The following DLG2 variants were observed in gnomAD, a reference collection of about 807,000 sequenced individuals.
DLG2 encodes the protein discs large MAGUK scaffold protein 2.
DLG2 carries 45 observed loss-of-function variants against 132.5 expected under a neutral mutation model. The observed-to-expected ratio is 0.34, with a 90% CI of 0.27 to 0.44. DLG2 has a LOEUF of 0.44. Ranked by LOEUF, DLG2 falls within the 20% of genes least tolerant of loss-of-function variation. DLG2 has a pLI of 1.00. For synonymous variants in DLG2, 424 were observed against 419.6 expected (o/e 1.01, Z -0.13); for missense variants, 1,045 against 1,196.9 (o/e 0.87, Z 1.87).
intron 9 of DLG2, among the ~76,000 whole-genome samples, chr11:84,159,964 C>T (rs1265307716): frequency 6.6e-6 from 1 of 152,056 alleles, no homozygotes; most frequent in Non-Finnish European, 1.5e-5. Context: ...AATGATAGAA[C>T]CAATTAGTCA....
intron 3 of DLG2, among the ~76,000 whole-genome samples, chr11:85,355,993 A>G (rs2083662077): frequency 6.6e-6 from 1 of 152,218 alleles, no homozygotes; most frequent in Non-Finnish European, 1.5e-5. Flanking sequence ...AACACCCACC[A>G]AAGGGTAATA....
chr11:84,462,394 A>G (rs190667469), intron 7 of DLG2, among the ~76,000 whole-genome samples: 180 of 151,218 alleles, frequency 1.2e-3, no homozygotes, highest in African/African-American at 4.3e-3. Context: ...GCAAATAAAC[A>G]TATAAAATAA....
chr11:84,988,645 C>G (rs978345709), intron 6 of DLG2, among the ~76,000 whole-genome samples: 1 of 152,078 alleles, frequency 6.6e-6, no homozygotes, highest in East Asian at 1.9e-4. Flanking sequence ...ATCGTATGCT[C>G]GCTCATAAGT....
At chr11:84,221,044 T>A (rs570270906) in intron 8 of DLG2, among the ~76,000 whole-genome samples, 22 of 151,334 alleles carry the variant, frequency 1.5e-4, no homozygotes, top group Non-Finnish European at 2.8e-4. Context: ...GCTGAAGTGA[T>A]CCACCTGCCT....
intron 6 of DLG2, among the ~76,000 whole-genome samples, chr11:84,683,895 T>C (rs1438237469): frequency 2.6e-5 from 4 of 152,192 alleles, no homozygotes; most frequent in African/African-American, 4.8e-5. Flanking sequence ...CAGTTATAAA[T>C]GTTGACTTAT....
chr11:84,857,105 A>G (rs1489475336), intron 6 of DLG2, among the ~76,000 whole-genome samples: 1 of 151,548 alleles, frequency 6.6e-6, no homozygotes, highest in Non-Finnish European at 1.5e-5. Flanking sequence ...TAAAAATACC[A>G]ACTTTTCTGG....
At chr11:84,109,595 G>T (rs1270796789) in intron 9 of DLG2, among the ~76,000 whole-genome samples, 1 of 152,194 alleles carries the variant, frequency 6.6e-6, no homozygotes, top group East Asian at 1.9e-4. Context: ...CTTCTGTCCT[G>T]TAACAGTATG....
At chr11:84,202,096 C>T (rs1041802012) in intron 8 of DLG2, among the ~76,000 whole-genome samples, 1 of 151,914 alleles carries the variant, frequency 6.6e-6, no homozygotes, top group Non-Finnish European at 1.5e-5. Context: ...TGATTACAGG[C>T]AGGAGCCACC....
chr11:85,368,279 C>T (rs778643599), intron 3 of DLG2, among the ~76,000 whole-genome samples: 3 of 152,242 alleles, frequency 2.0e-5, no homozygotes, highest in Non-Finnish European at 1.5e-5. Flanking sequence ...AAATTGCAAA[C>T]GTGAGGTTGC....
At chr11:84,692,917 C>T (rs539044177) in intron 6 of DLG2, among the ~76,000 whole-genome samples, 76 of 151,874 alleles carry the variant, frequency 5.0e-4, no homozygotes, top group African/African-American at 1.8e-3. Context: ...ATTTTCACTA[C>T]AACGGAAAGG....
At chr11:85,180,216 A>T (rs1405549066) in intron 4 of DLG2, among the ~76,000 whole-genome samples, 1 of 151,974 alleles carries the variant, frequency 6.6e-6, no homozygotes, top group Non-Finnish European at 1.5e-5. Flanking sequence ...ACATAAGCAC[A>T]TATACATACT....
intron 10 of DLG2, among the ~76,000 whole-genome samples, chr11:84,072,692 C>T (rs2096774891): frequency 6.6e-6 from 1 of 152,176 alleles, no homozygotes; most frequent in South Asian, 2.1e-4. Flanking sequence ...TGGACTTGAA[C>T]TTAAAGGCAC....
At chr11:84,537,079 T>C (rs1225891392) in intron 6 of DLG2, among the ~76,000 whole-genome samples, 5 of 150,090 alleles carry the variant, frequency 3.3e-5, no homozygotes, top group African/African-American at 4.9e-5. Flanking sequence ...CCTACTACTA[T>C]ATATGCTGAA....
chr11:83,707,376 G>A (rs2084274601), intron 18 of DLG2, among the ~76,000 whole-genome samples: 2 of 152,292 alleles, frequency 1.3e-5, no homozygotes, highest in Admixed American at 6.5e-5. Flanking sequence ...CATATAACAA[G>A]TGCACACTGT....
At chr11:84,124,152 C>G (rs542185027) in intron 9 of DLG2, among the ~76,000 whole-genome samples, 1 of 152,176 alleles carries the variant, frequency 6.6e-6, no homozygotes, top group East Asian at 1.9e-4. Context: ...ATTCAGGTGG[C>G]GTGTTCAGGT....
chr11:85,267,636 T>A (rs554498904), intron 4 of DLG2, among the ~76,000 whole-genome samples: 2 of 152,236 alleles, frequency 1.3e-5, no homozygotes, highest in East Asian at 3.9e-4. Context: ...CCATGTGGAA[T>A]CAGTTATTTA....
chr11:83,467,810 T>TATATATACACAC (rs1414160515), intron 25 of DLG2, among the ~76,000 whole-genome samples: 16 of 96,284 alleles, frequency 1.7e-4, no homozygotes, highest in East Asian at 6.3e-4. Flanking sequence ...TATATATATA[T>TATATATACACAC]ACACACACAC....
chr11:85,277,781 C>A (rs1047648222), intron 4 of DLG2, among the ~76,000 whole-genome samples: 2 of 152,140 alleles, frequency 1.3e-5, no homozygotes, highest in Non-Finnish European at 2.9e-5. Context: ...AAGAAAAAAT[C>A]TATCCATGAT....
intron 7 of DLG2, among the ~76,000 whole-genome samples, chr11:84,329,598 G>A (rs1159797422): frequency 2.6e-5 from 4 of 152,136 alleles, no homozygotes; most frequent in Non-Finnish European, 5.9e-5. Flanking sequence ...AGTCAATTAA[G>A]CTTGTTTCCT....
Sources: allele counts gnomAD v4.1 joint callset (sites outside exome capture counted in the v4.1 genomes callset), GRCh38; gene constraint gnomAD v4.1.1; transcripts MANE v1.5; gene names NCBI Gene and HGNC (gene_info 2026-07-23, HGNC 2026-07-21).